The following CCR1 variants were observed in gnomAD, a reference collection of about 807,000 sequenced individuals.
CCR1 encodes C-C chemokine receptor type 1.
Under a neutral mutation model 0.3 loss-of-function variants are expected in CCR1, and 1 was observed. That is an observed-to-expected ratio of 3.70 (90% confidence interval 1.31 to 17.54). The LOEUF (loss-of-function observed/expected upper bound fraction) is 17.54. Among genes scored for constraint, CCR1 ranks in the 30% most tolerant of loss-of-function variants. The probability of loss-of-function intolerance (pLI) is 0.11; values close to 1 mark genes in which losing one functional copy is unlikely to be tolerated. For missense variants in CCR1, 349 were observed against 435.4 expected, an observed-to-expected ratio of 0.80 and a Z score of 1.77; for synonymous variants, 207 against 182.5, an observed-to-expected ratio of 1.13 and a Z score of -1.08.
chr3:46,204,396 G>C, intron 1 of CCR1, 72 bp from the exon 2 acceptor site: 1 of 959,382 alleles, frequency 1.0e-6, no homozygotes, highest in Non-Finnish European at 1.5e-6. Flanking sequence ...GGACAGTAAA[G>C]ACAAGGGAGA....
intron 1 of CCR1, among the ~76,000 whole-genome samples, chr3:46,206,373 CT>C (rs1235213625): frequency 6.6e-6 from 1 of 152,206 alleles, no homozygotes; most frequent in Non-Finnish European, 1.5e-5. Context: ...AATCAGCCCT[CT>C]TTCTGGAGAG....
In CCR1 at chr3:46,203,135, G is replaced by A. The variant is rs199683881; in HGVS notation, c.*111C>T. ...TTCCCTCTCTATCCCAAGTGGCTGT[G>A]ACTCCATGCTGTGCCAAGAGTCAGA... On this transcript the variant is annotated 3_prime_UTR_variant, in exon 2 of 2. Transcript: ENST00000296140. This position sits in a 1 kb window ranked among gnomAD's most constrained non-coding sequence, Gnocchi z 4.5. The A allele has an allele frequency of 2.4e-5, 17 of 722,796 alleles. No homozygotes were observed. In the Middle Eastern group the frequency reaches 1.3e-3, roughly 55 times the overall value. The allele number at this position is 722,796 out of a possible 1,614,324, so 44.8% of individuals were successfully genotyped here. A position where few individuals can be genotyped will look rare whatever the true frequency, so the allele number is the denominator to read the frequency against.
In CCR1 at chr3:46,203,141, ATGCTGTGC is replaced by A; in HGVS notation, c.*97_*104del. The A allele has an allele frequency of 2.6e-6, 2 of 770,882 alleles. No individual in the cohort carries two copies. Among genetic ancestry groups the A allele is most frequent in the East Asian group, 2.6e-5 (1 of 38,622 alleles). The allele number at this position is 770,882 out of a possible 1,614,324, so 47.8% of individuals were successfully genotyped here. A position where few individuals can be genotyped will look rare whatever the true frequency, so the allele number is the denominator to read the frequency against. On this transcript the variant is annotated 3_prime_UTR_variant, in exon 2 of 2. Coordinates refer to ENST00000296140, the MANE Select transcript of CCR1 (RefSeq NM_001295.3). The surrounding 1 kb of genome is among the most constrained non-coding windows in gnomAD (Gnocchi z 4.5). ...CTCTATCCCAAGTGGCTGTGACTCC[ATGCTGTGC>A]CAAGAGTCAGAACCTGGCTGGGAGA...
chr3:46,203,888 C>G lies in CCR1; in HGVS notation c.426G>C (p.Leu142Phe). The change falls in exon 2 of 2, where the codon TTG becomes TTC. Residue 142 changes from leucine to phenylalanine, a missense_variant. By Grantham distance (22) the Leu-to-Phe change is conservative. Transcript: ENST00000296140. The surrounding 1 kb of genome is among the most constrained non-coding windows in gnomAD (Gnocchi z 4.5). ...YLAIVHAVFA[L>F]RARTVTFGVI... Reference sequence around the variant, plus strand: ...CACCAAAAGTGACGGTCCGTGCCCGCAAGGCAAACACGGCGTGGACGATGG... The same window carrying G: ...CACCAAAAGTGACGGTCCGTGCCCGGAAGGCAAACACGGCGTGGACGATGG... 6.2e-7 allele frequency: 1 copy of G among 1,614,130 alleles called. No individual in the cohort carries two copies. Among genetic ancestry groups the G allele is most frequent in the Non-Finnish European group, 8.5e-7 (1 of 1,180,012 alleles).
intron 1 of CCR1, among the ~76,000 whole-genome samples, chr3:46,207,609 A>G (rs777429700): frequency 2.7e-5 from 4 of 150,376 alleles, no homozygotes; most frequent in Non-Finnish European, 5.9e-5. Flanking sequence ...TTCATACACC[A>G]TGTTTGGTTT....
chr3:46,204,430 A>C (rs1349907937), intron 1 of CCR1, 106 bp from the exon 2 acceptor site: 1 of 696,488 alleles, frequency 1.4e-6, no homozygotes, highest in African/African-American at 1.8e-5. Context: ...CAGCCACTCC[A>C]TAAATGTTTA....
rs200625474 is a variant in CCR1, at chr3:46,203,810, G to A, written c.504C>T (p.Gly168=). 6.2e-7 allele frequency: 1 copy of A among 1,614,210 alleles called. No homozygotes were observed. The highest frequency in any genetic ancestry group is 8.5e-7 in the Non-Finnish European group (1 of 1,180,044). ...WALAILASMP[G]LYFSKTQWEF... ...CCCATTGGGTCTTGGAAAAGTATAA[G>A]CCTGGCATGGAAGCCAAGATGGCCA... is the stretch of plus-strand genomic sequence containing the variant. The change falls in exon 2 of 2, where the codon GGC becomes GGT. Residue 168 remains glycine (G), a synonymous_variant. Coordinates refer to ENST00000296140, the MANE Select transcript of CCR1 (RefSeq NM_001295.3). The surrounding 1 kb of genome is among the most constrained non-coding windows in gnomAD (Gnocchi z 4.5).
At position 46,204,279 on chromosome 3, in the gene CCR1, G is replaced by A. The variant is rs750444908; in HGVS notation, c.35C>T (p.Thr12Met). 32 of 1,610,310 alleles carry A rather than the reference G, an allele frequency of 2.0e-5. No individual in the cohort carries two copies. Among genetic ancestry groups the A allele is most frequent in the South Asian group, 1.1e-4 (10 of 90,490 alleles). ...ATCCCCATAGTCAAACTCTGTGGTC[G>A]TGTCATAGTCCTCTGTGGTGTTTGG... is the stretch of plus-strand genomic sequence containing the variant. ...ETPNTTEDYD[T>M]TTEFDYGDAT... Residue 12 changes from threonine to methionine, a missense_variant, in exon 2 of 2, where the codon ACG becomes ATG. Thr to Met is a moderately conservative substitution (Grantham distance 81). Coordinates refer to ENST00000296140, the MANE Select transcript of CCR1 (RefSeq NM_001295.3).
In CCR1 at chr3:46,202,806, A is replaced by C. The variant is rs2125920315; in HGVS notation, c.*440T>G. The stretch of plus-strand genomic sequence containing the variant: ...GCGGGGGGGGGGAGGTGATGGAAGA[A>C]CAGAAATTCCTCATACATCAGTGTC... On this transcript the variant is annotated 3_prime_UTR_variant, in exon 2 of 2. Transcript: ENST00000296140. 1 of 152,606 alleles carries C rather than the reference A, an allele frequency of 6.6e-6. No individual in the cohort carries two copies. The allele number at this position is 152,606 out of a possible 1,614,324, so 9.5% of individuals were successfully genotyped here.
rs1699614904 is a variant in CCR1 at position 46,203,290 on chromosome 3, TGGA to T, written c.1021_1023del (p.Ser341del). The T allele has an allele frequency of 1.9e-6, 3 of 1,613,988 alleles. No individual in the cohort carries two copies. The highest frequency in any genetic ancestry group is 1.3e-5 in the African/African-American group (1 of 74,908). ...TCATGCTCCCCTGTGGAGGGAGATG[TGGA>T]GCTGACCCTCTCCAGCCTGTCCACG... is the stretch of plus-strand genomic sequence containing the variant. On this transcript the variant is annotated inframe_deletion, in exon 2 of 2. Coordinates refer to ENST00000296140, the MANE Select transcript of CCR1 (RefSeq NM_001295.3). The surrounding 1 kb of genome is among the most constrained non-coding windows in gnomAD (Gnocchi z 4.5).
chr3:46,203,109 A>G lies in CCR1; in HGVS notation c.*137T>C, dbSNP rs1420533042. On this transcript the variant is annotated 3_prime_UTR_variant, in exon 2 of 2. Transcript: ENST00000296140. This position sits in a 1 kb window ranked among gnomAD's most constrained non-coding sequence, Gnocchi z 4.5. The stretch of plus-strand genomic sequence containing the variant: ...CTCAGAAGCCCCAGGCCACCATTAC[A>G]TTCCCTCTCTATCCCAAGTGGCTGT... The G allele has an allele frequency of 3.2e-6, 2 of 617,522 alleles. No individual in the cohort carries two copies. Among genetic ancestry groups the G allele is most frequent in the Middle Eastern group, 3.2e-4 (1 of 3,108 alleles). 38.3% of individuals were successfully genotyped at this position (617,522 alleles called of 1,614,324 possible).
At chr3:46,205,216 G>A (rs1699636539) in intron 1 of CCR1, among the ~76,000 whole-genome samples, 1 of 152,142 alleles carries the variant, frequency 6.6e-6, no homozygotes, top group Admixed American at 6.5e-5. Context: ...GACACTGAGG[G>A]CACCAGAGTG....
At position 46,203,259 on chromosome 3, in the gene CCR1, G is replaced by A; in HGVS notation, c.1055C>T (p.Ser352Phe). 1.9e-6 allele frequency: 3 copies of A among 1,612,990 alleles called. No individual in the cohort carries two copies. The highest frequency in any genetic ancestry group is 2.5e-6 in the Non-Finnish European group (3 of 1,179,146). ...CTATGGTCTGAGTCAGAACCCAGCA[G>A]AGAGTTCATGCTCCCCTGTGGAGGG... Reference protein sequence around the residue: ...TSPSTGEHELSAGF With the variant: ...TSPSTGEHELFAGF The change falls in exon 2 of 2, where the codon TCT becomes TTT. Residue 352 changes from serine to phenylalanine, a missense_variant. Physicochemically the swap from Ser to Phe is radical, Grantham distance 155. Coordinates refer to ENST00000296140, the MANE Select transcript of CCR1 (RefSeq NM_001295.3). The surrounding 1 kb of genome is among the most constrained non-coding windows in gnomAD (Gnocchi z 4.5).
intron 1 of CCR1, 117 bp from the exon 2 acceptor site, chr3:46,204,441 T>C: frequency 1.5e-6 from 1 of 645,610 alleles, no homozygotes; most frequent in Non-Finnish European, 2.6e-6. Context: ...TAAATGTTTA[T>C]TGAGTGCCTT....
chr3:46,204,202 G>T lies in CCR1; in HGVS notation c.112C>A (p.Pro38Thr). ...ACAAATACCAAGGAGTACAGAGGGG[G>T]CAGCAGTTGGGCCCCAAAGGCCCTC... ...NERAFGAQLLPPLYSLVFVIG... is the reference protein window; with the variant it reads ...NERAFGAQLLTPLYSLVFVIG... Residue 38 changes from proline (P) to threonine (T), a missense_variant, in exon 2 of 2, where the codon CCC becomes ACC. Pro to Thr is a conservative substitution (Grantham distance 38). Transcript: ENST00000296140. 1 of 1,613,944 alleles carries T rather than the reference G, an allele frequency of 6.2e-7. No individual in the cohort carries two copies. Among genetic ancestry groups the T allele is most frequent in the Non-Finnish European group, 8.5e-7 (1 of 1,179,890 alleles).
rs1031737918 is a variant in CCR1 at position 46,204,592 on chromosome 3, G to T, written c.-11-268C>A. 2.0e-5 allele frequency among the ~76,000 whole-genome samples: 3 copies of T among 152,154 alleles called. No homozygotes were observed. The South Asian group carries it at 6.2e-4, about 32-fold the overall frequency. ...TCATTAATTCAATCATTTCAGCAAAGAGTTTTGTAAGGGATAAGTTCAATG... is the reference window on the plus strand; with the variant it reads ...TCATTAATTCAATCATTTCAGCAAATAGTTTTGTAAGGGATAAGTTCAATG... On this transcript the variant is annotated intron_variant, in intron 1 of 1. Transcript: ENST00000296140.
At chr3:46,207,017 C>G (rs765730584) in intron 1 of CCR1, among the ~76,000 whole-genome samples, 1 of 152,184 alleles carries the variant, frequency 6.6e-6, no homozygotes, top group Non-Finnish European at 1.5e-5. Context: ...ATGCCAATTG[C>G]GTGCATCTCT....
chr3:46,203,377 G>T lies in CCR1; in HGVS notation c.937C>A (p.Arg313=). 1.9e-6 allele frequency: 3 copies of T among 1,614,056 alleles called. No homozygotes were observed. The highest frequency in any genetic ancestry group is 2.2e-5 in the East Asian group (1 of 44,872). Reference sequence around the variant, plus strand: ...GCCACACGCCTGTGGAACAACTGCCGCAGGTACTTCCGGAACCTCTCACCA... The same window carrying T: ...GCCACACGCCTGTGGAACAACTGCCTCAGGTACTTCCGGAACCTCTCACCA... ...FVGERFRKYL[R]QLFHRRVAVH... The change falls in exon 2 of 2, where the codon CGG becomes AGG. Residue 313 remains arginine, a synonymous_variant. Transcript: ENST00000296140. This position sits in a 1 kb window ranked among gnomAD's most constrained non-coding sequence, Gnocchi z 4.5.
Position 46,203,636 on chromosome 3 carries a change from C to T in CCR1, c.678G>A (p.Leu226=). ...ATTTCTTCTCATTTGGTCGTCTTAG[C>T]AGAATCTTTATAATCCCTGTGTAGC... ...IICYTGIIKI[L]LRRPNEKKSK... Residue 226 remains leucine (L), a synonymous_variant, in exon 2 of 2, where the codon CTG becomes CTA. Transcript: ENST00000296140. This position sits in a 1 kb window ranked among gnomAD's most constrained non-coding sequence, Gnocchi z 4.5. The T allele has an allele frequency of 6.2e-7, 1 of 1,614,178 alleles. No individual in the cohort carries two copies. Among genetic ancestry groups the T allele is most frequent in the Non-Finnish European group, 8.5e-7 (1 of 1,180,018 alleles).
Sources: allele counts gnomAD v4.1 joint callset (sites outside exome capture counted in the v4.1 genomes callset), GRCh38; gene constraint gnomAD v4.1.1; non-coding constraint Gnocchi (gnomAD v3.1); transcripts MANE v1.5; gene names NCBI Gene and HGNC (gene_info 2026-07-23, HGNC 2026-07-21).